MRS2: variants seen among roughly 807,000 people sequenced by gnomAD.
MRS2 encodes the protein magnesium transporter MRS2 homolog, mitochondrial.
A neutral mutation model predicts 52.6 loss-of-function variants in MRS2; 40 were observed. The observed-to-expected ratio is 0.76, with a 90% CI of 0.59 to 0.99. MRS2 has a LOEUF of 0.99. Among genes scored for constraint, MRS2 ranks in the 50% least tolerant of loss-of-function variants. MRS2 has a pLI of 0.00. For missense variants in MRS2, 472 were observed against 532.7 expected, an observed-to-expected ratio of 0.89 and a Z score of 1.12; for synonymous variants, 193 against 195.9, an observed-to-expected ratio of 0.98 and a Z score of 0.13.
intron 9 of MRS2, among the ~76,000 whole-genome samples, chr6:24,420,326 T>G (rs75441112): frequency 6.6e-6 from 1 of 152,160 alleles, no homozygotes; most frequent in Non-Finnish European, 1.5e-5. Flanking sequence ...GCCCAAATAA[T>G]CCTACCCTTC....
At chr6:24,412,441 A>G in intron 5 of MRS2, 46 bp downstream of exon 5, 1 of 1,418,012 alleles carries the variant, frequency 7.1e-7, no homozygotes, top group Non-Finnish European at 9.5e-7. Flanking sequence ...CTGATTTTGA[A>G]ATGTCATTGA....
intron 4 of MRS2, 126 bp from the exon 5 acceptor site, chr6:24,412,096 T>A: frequency 2.0e-6 from 1 of 496,608 alleles, no homozygotes; most frequent in Non-Finnish European, 3.2e-6. Flanking sequence ...ATTTTATGAA[T>A]GTTCTTTTTT....
chr6:24,403,361 T>C (rs1428482774), intron 1 of MRS2, 125 bp downstream of exon 1: 16 of 961,776 alleles, frequency 1.7e-5, no homozygotes, highest in Admixed American at 9.6e-5. Flanking sequence ...GCCTCCCGCG[T>C]GTCCTGTGAG....
chr6:24,412,171 G>C, intron 4 of MRS2, 51 bp from the exon 5 acceptor site: 1 of 1,093,596 alleles, frequency 9.1e-7, no homozygotes, highest in Non-Finnish European at 1.3e-6. Flanking sequence ...ACATGCATGT[G>C]TGTATATACA....
At chr6:24,414,548 C>G (rs1761776085) in intron 5 of MRS2, among the ~76,000 whole-genome samples, 1 of 152,134 alleles carries the variant, frequency 6.6e-6, no homozygotes, top group African/African-American at 2.4e-5. Context: ...ATGTCTACTT[C>G]TTTCTACACA....
At chr6:24,416,367 TG>T in intron 6 of MRS2, 29 bp from the exon 7 acceptor site, 2 of 880,852 alleles carry the variant, frequency 2.3e-6, no homozygotes, top group Non-Finnish European at 3.8e-6. Flanking sequence ...TTTATTCTAT[TG>T]ATCATTTTTG....
At chr6:24,409,842 T>C (rs1761595066) in intron 4 of MRS2, among the ~76,000 whole-genome samples, 1 of 152,236 alleles carries the variant, frequency 6.6e-6, no homozygotes, top group African/African-American at 2.4e-5. Flanking sequence ...GGATTTACTC[T>C]CTAGTTCTGG....
chr6:24,421,148 C>G (rs1296964796), intron 9 of MRS2, among the ~76,000 whole-genome samples: 2 of 152,194 alleles, frequency 1.3e-5, no homozygotes, highest in Non-Finnish European at 2.9e-5. Flanking sequence ...TATATATACT[C>G]AATCTACAAG....
At chr6:24,409,687 C>T (rs1014000115) in intron 4 of MRS2, 114 bp downstream of exon 4, 1 of 627,118 alleles carries the variant, frequency 1.6e-6, no homozygotes, top group African/African-American at 1.9e-5. Context: ...AAATAGCTAC[C>T]TGAAACATAG....
At chr6:24,411,541 A>T (rs1055072577) in intron 4 of MRS2, among the ~76,000 whole-genome samples, 1 of 151,890 alleles carries the variant, frequency 6.6e-6, no homozygotes, top group Non-Finnish European at 1.5e-5. Flanking sequence ...TTATTTATTT[A>T]TTTTTTCCAA....
At chr6:24,408,283 A>G (rs1761540207) in intron 2 of MRS2, 125 bp from the exon 3 acceptor site, 2 of 651,756 alleles carry the variant, frequency 3.1e-6, no homozygotes, top group Admixed American at 5.0e-5. Flanking sequence ...AATGGTTTAT[A>G]TTTGCATTTC....
chr6:24,408,483 A>G, intron 3 of MRS2, 39 bp downstream of exon 3: 7 of 1,339,696 alleles, frequency 5.2e-6, no homozygotes, highest in Non-Finnish European at 7.5e-6. Context: ...TTAAACATTT[A>G]ATGAGTGAAT....
intron 6 of MRS2, 28 bp downstream of exon 6, chr6:24,415,191 G>A (rs763818703): frequency 6.7e-7 from 1 of 1,499,092 alleles, no homozygotes; most frequent in Non-Finnish European, 9.0e-7. Flanking sequence ...ATCACATTGG[G>A]AGTTGGAGAC....
chr6:24,416,456 A>G lies in MRS2; in HGVS notation c.779A>G (p.Asp260Gly), dbSNP rs1314086502. ...IFKESILEILDEEELLEELCV... is the reference protein window; with the variant it reads ...IFKESILEILGEEELLEELCV... ...AAAGAGTCAATTTTGGAGATCTTGG[A>G]TGAGGAAGAGTTGCTAGAAGAGCTC... is the stretch of plus-strand genomic sequence containing the variant. Residue 260 changes from aspartate (D) to glycine (G), a missense_variant, in exon 7 of 11, where the codon GAT becomes GGT. Coordinates refer to ENST00000378386, the MANE Select transcript of MRS2 (RefSeq NM_020662.4). 6.2e-7 allele frequency: 1 copy of G among 1,607,324 alleles called. No individual in the cohort carries two copies. Among genetic ancestry groups the G allele is most frequent in the East Asian group, 2.2e-5 (1 of 44,750 alleles).
intron 4 of MRS2, 122 bp from the exon 5 acceptor site, chr6:24,412,097 GTTC>G (rs374059345): frequency 5.2e-5 from 26 of 502,134 alleles, no homozygotes; most frequent in East Asian, 1.1e-4. Context: ...TTTTATGAAT[GTTC>G]TTTTTTCCTA....
chr6:24,420,211 C>G (rs553564193), intron 9 of MRS2, among the ~76,000 whole-genome samples: 1 of 152,160 alleles, frequency 6.6e-6, no homozygotes, highest in Non-Finnish European at 1.5e-5. Flanking sequence ...CCTCAGATCC[C>G]CGTTTTGCTT....
chr6:24,417,440 A>G (rs1452779261), intron 7 of MRS2, among the ~76,000 whole-genome samples: 1 of 152,236 alleles, frequency 6.6e-6, no homozygotes, highest in Non-Finnish European at 1.5e-5. Flanking sequence ...TGATAGTGGT[A>G]TTGGCTTTGC....
intron 5 of MRS2, among the ~76,000 whole-genome samples, chr6:24,414,723 G>A (rs565402592): frequency 2.0e-5 from 3 of 152,262 alleles, no homozygotes; most frequent in South Asian, 4.2e-4. Context: ...CAGACGGGGC[G>A]GCCGGGCAGA....
intron 4 of MRS2, among the ~76,000 whole-genome samples, chr6:24,411,759 G>T (rs928397268): frequency 1.1e-4 from 16 of 151,870 alleles, no homozygotes; most frequent in Non-Finnish European, 2.2e-4. Flanking sequence ...GGATGGTCTC[G>T]ATCTCTTGAC....
Sources: allele counts gnomAD v4.1 joint callset (sites outside exome capture counted in the v4.1 genomes callset), GRCh38; gene constraint gnomAD v4.1.1; transcripts MANE v1.5; gene names NCBI Gene and HGNC (gene_info 2026-07-23, HGNC 2026-07-21).